Variants in ENO3 observed in about 807,000 individuals in gnomAD.
The protein encoded by ENO3 is enolase 3, also known as beta-enolase.
ENO3 carries 46 observed loss-of-function variants against 47.7 expected under a neutral mutation model. That is an observed-to-expected ratio of 0.96 (90% confidence interval 0.76 to 1.23). ENO3 has a LOEUF of 1.23. Among genes scored for constraint, ENO3 ranks in the 50% most tolerant of loss-of-function variants. The probability of loss-of-function intolerance (pLI) is 0.00; values close to 1 mark genes in which losing one functional copy is unlikely to be tolerated. For missense variants in ENO3, 575 were observed against 566.2 expected, an observed-to-expected ratio of 1.02 and a Z score of -0.16; for synonymous variants, 223 against 225.9, an observed-to-expected ratio of 0.99 and a Z score of 0.11.
At chr17:4,951,702 T>G in intron 1 of ENO3, 126 bp from the exon 2 acceptor site, 1 of 1,047,644 alleles carries the variant, frequency 9.5e-7, no homozygotes, top group Non-Finnish European at 1.5e-6. Flanking sequence ...TCTGTGACCT[T>G]TTTGTAGGGT....
At chr17:4,956,424 C>G in intron 9 of ENO3, 149 bp from the exon 10 acceptor site, 1 of 842,674 alleles carries the variant, frequency 1.2e-6, no homozygotes, top group Non-Finnish European at 2.0e-6. Context: ...CAAGATAAGT[C>G]TTTTCCTCTC....
intron 1 of ENO3, chr17:4,951,582 G>T: frequency 2.0e-6 from 1 of 500,998 alleles, no homozygotes; most frequent in South Asian, 2.0e-5. Context: ...GGGGCTTGGT[G>T]AGCGGTGGCA....
At chr17:4,955,372 C>T (rs1372553162) in intron 7 of ENO3, 35 bp from the exon 8 acceptor site, 2 of 1,614,110 alleles carry the variant, frequency 1.2e-6, no homozygotes, top group African/African-American at 2.7e-5. Context: ...ACAAGGGGCA[C>T]TGGAGTCTCA....
rs1218342885 is a variant in ENO3 at position 4,951,272 on chromosome 17, T to A, written c.-3+90T>A. The A allele has an allele frequency of 9.9e-6, 10 of 1,007,900 alleles. No homozygotes were observed. The East Asian group carries it at 9.6e-4, about 97-fold the overall frequency. The allele number at this position is 1,007,900 out of a possible 1,614,324, so 62.4% of individuals were successfully genotyped here. A position where few individuals can be genotyped will look rare whatever the true frequency, so the allele number is the denominator to read the frequency against. The stretch of plus-strand genomic sequence containing the variant: ...GGAAGTGGGGGACATTTCTGCTTTT[T>A]TTCCTCCTGGGACTGGAGATGCTTG... On this transcript the variant is annotated intron_variant, in intron 1 of 11. Coordinates refer to ENST00000519602, the MANE Select transcript of ENO3 (RefSeq NM_053013.4).
In ENO3 at chr17:4,955,729, C is replaced by T. The variant is rs2151143450; in HGVS notation, c.865+125C>T. On this transcript the variant is annotated intron_variant, in intron 8 of 11. Transcript: ENST00000519602. ...CAATTCTTAGCCCCATTAAAATCCC[C>T]ATTTAAGCTCTTCTGCCCTGTCACC... 3 of 1,446,300 alleles carry T rather than the reference C, an allele frequency of 2.1e-6. No homozygotes were observed. The East Asian group carries it at 6.9e-5, about 33-fold the overall frequency. The allele number at this position is 1,446,300 out of a possible 1,614,324, so 89.6% of individuals were successfully genotyped here. A position where few individuals can be genotyped will look rare whatever the true frequency, so the allele number is the denominator to read the frequency against.
chr17:4,951,791 C>A lies in ENO3; in HGVS notation c.-2-37C>A, dbSNP rs201634391. ...AGGGATTTCTGGTTCCTTAAGAGAT[C>A]AACTGTCTACACTCACTCACACCTC... On this transcript the variant is annotated intron_variant, in intron 1 of 11. Transcript: ENST00000519602. 34 of 1,603,040 alleles carry A rather than the reference C, an allele frequency of 2.1e-5. 1 individual carries two copies. The Admixed American group carries it at 5.3e-4, about 25-fold the overall frequency.
intron 8 of ENO3, 136 bp from the exon 9 acceptor site, chr17:4,955,806 C>G: frequency 1.3e-6 from 1 of 789,408 alleles, no homozygotes; most frequent in South Asian, 1.5e-5. Context: ...CTGTCTCTGC[C>G]TTGTCTCTGC....
chr17:4,956,782 C>T (rs745468546), intron 10 of ENO3, 49 bp from the exon 11 acceptor site: 10 of 1,614,044 alleles, frequency 6.2e-6, no homozygotes, highest in South Asian at 1.1e-5. Context: ...AGGTCCAACC[C>T]CTCCTTTCCA....
rs1224869775 is a variant in ENO3, at chr17:4,955,458, TGGTG to T, written c.720_723del (p.Val241SerfsTer70). ...CAGGCGGCTGGTTACCCAGACAAGGTGGTGATCGGCATGGATGTGGCAGCATCTG... is the reference window on the plus strand; with the variant it reads ...CAGGCGGCTGGTTACCCAGACAAGGTATCGGCATGGATGTGGCAGCATCTG... On this transcript the variant is annotated frameshift_variant, in exon 8 of 12. Coordinates refer to ENST00000519602, the MANE Select transcript of ENO3 (RefSeq NM_053013.4). LOFTEE classifies it high-confidence loss of function. 2 of 1,614,110 alleles carry T rather than the reference TGGTG, an allele frequency of 1.2e-6. No homozygotes were observed. Among genetic ancestry groups the T allele is most frequent in the Non-Finnish European group, 8.5e-7 (1 of 1,179,972 alleles).
intron 6 of ENO3, 124 bp from the exon 7 acceptor site, chr17:4,954,951 C>A: frequency 4.5e-6 from 3 of 668,732 alleles, no homozygotes; most frequent in East Asian, 3.0e-5. Context: ...AGCAAAACTA[C>A]TCATCCTAGA....
intron 6 of ENO3, 37 bp from the exon 7 acceptor site, chr17:4,955,038 C>G: frequency 6.6e-7 from 1 of 1,521,708 alleles, no homozygotes; most frequent in South Asian, 1.1e-5. Context: ...AGCTCTCATG[C>G]CCCGGCCCAG....
At chr17:4,950,459 G>A (rs1971508430), upstream of ENO3, 2 of 676,992 alleles carry the variant, frequency 3.0e-6, no homozygotes, top group South Asian at 6.6e-5. Flanking sequence ...CTGACCGACA[G>A]TCCCCACGCC....
rs765714711 is a variant in ENO3, at chr17:4,955,401, C to T, written c.668-6C>T. On this transcript the variant is annotated splice_polypyrimidine_tract_variant and splice_region_variant and intron_variant, in intron 7 of 11. Transcript: ENST00000519602. ...AGTCTCAGGTCCTTTCTTGGTCCTC[C>T]CCCAGCCCTGGAGCTGCTGAAGACG... 6.8e-6 allele frequency: 11 copies of T among 1,614,126 alleles called. No individual in the cohort carries two copies. The Admixed American group carries it at 1.0e-4, about 15-fold the overall frequency.
intron 9 of ENO3, 99 bp downstream of exon 9, chr17:4,956,242 T>A (rs999504358): frequency 1.4e-6 from 2 of 1,414,018 alleles, no homozygotes; most frequent in Admixed American, 3.9e-5. Flanking sequence ...AGCTTACCTT[T>A]CCCCTGGCAC....
chr17:4,956,462 C>T (rs868095515), intron 9 of ENO3, 111 bp from the exon 10 acceptor site: 4 of 1,042,972 alleles, frequency 3.8e-6, no homozygotes, highest in African/African-American at 3.1e-5. Flanking sequence ...TAGTCACTGC[C>T]CTCCCTGCAG....
In ENO3 at chr17:4,951,819, G is replaced by A. The variant is rs1057523818; in HGVS notation, c.-2-9G>A. ...CTGTCTACACTCACTCACACCTCCT[G>A]TCCTGCAGCCATGGCCATGCAGAAA... On this transcript the variant is annotated splice_polypyrimidine_tract_variant and intron_variant, in intron 1 of 11. Coordinates refer to ENST00000519602, the MANE Select transcript of ENO3 (RefSeq NM_053013.4). 2 of 1,613,840 alleles carry A rather than the reference G, an allele frequency of 1.2e-6. No individual in the cohort carries two copies. The highest frequency in any genetic ancestry group is 4.5e-5 in the East Asian group (2 of 44,888).
At position 4,955,302 on chromosome 17, in the gene ENO3, G is replaced by A; in HGVS notation, c.667+5G>A. The stretch of plus-strand genomic sequence containing the variant: ...ACATCCTGGAGAACAATGAGGGTCA[G>A]TGCTGAGCACCCTGGGGGGCAGACC... On this transcript the variant is annotated splice_donor_5th_base_variant and intron_variant, in intron 7 of 11. Transcript: ENST00000519602. 6.2e-7 allele frequency: 1 copy of A among 1,614,286 alleles called. No individual in the cohort carries two copies. The highest frequency in any genetic ancestry group is 8.5e-7 in the Non-Finnish European group (1 of 1,180,048).
At chr17:4,948,954 G>A (rs1319290598), upstream of ENO3, 1 of 152,088 alleles carries the variant, frequency 6.6e-6, no homozygotes, top group Non-Finnish European at 1.5e-5. Flanking sequence ...CTCCGCCGAA[G>A]GGAAGGACCG....
Position 4,956,138 on chromosome 17 carries a change from C to A in ENO3, c.1062C>A (p.Ile354=). The A allele has an allele frequency of 6.2e-7, 1 of 1,613,940 alleles. No individual in the cohort carries two copies. Among genetic ancestry groups the A allele is most frequent in the South Asian group, 1.1e-5 (1 of 91,054 alleles). Residue 354 remains isoleucine (I), a synonymous_variant, in exon 9 of 12, where the codon ATC becomes ATA. Transcript: ENST00000519602. ...AGATCGGCTCGGTGACCGAATCGAT[C>A]CAGGCGTGAGTGCCTCCTGACCCTG... ...VNQIGSVTES[I]QACKLAQSNG...
Sources: allele counts gnomAD v4.1 joint callset, GRCh38; gene constraint gnomAD v4.1.1; transcripts MANE v1.5; gene names NCBI Gene and HGNC (gene_info 2026-07-23, HGNC 2026-07-21).